Variants in SREBF2 observed in about 807,000 individuals in gnomAD.
SREBF2 encodes sterol regulatory element-binding protein 2.
Under a neutral mutation model 113.1 loss-of-function variants are expected in SREBF2, and 55 were observed. That is an observed-to-expected ratio of 0.49 (90% CI 0.39 to 0.61). The LOEUF (loss-of-function observed/expected upper bound fraction) is 0.61, where lower values mean the gene tolerates loss of function less well. Ranked by LOEUF, SREBF2 falls within the 20% of genes least tolerant of loss-of-function variation. The pLI, the probability that SREBF2 is intolerant of heterozygous loss-of-function variation, is 0.00. For synonymous variants in SREBF2, 593 were observed against 605.7 expected (o/e 0.98, Z 0.31); for missense variants, 1,349 against 1,487.4 (o/e 0.91, Z 1.53).
At chr22:41,864,705 C>T (rs2077059777) in intron 1 of SREBF2, among the ~76,000 whole-genome samples, 1 of 151,942 alleles carries the variant, frequency 6.6e-6, no homozygotes, top group Non-Finnish European at 1.5e-5. Flanking sequence ...CCTGTAGTCC[C>T]AGCACTTTGG....
chr22:41,893,198 C>A lies in SREBF2; in HGVS notation c.2290C>A (p.Pro764Thr). The change falls in exon 12 of 19, where the codon CCC becomes ACC. Residue 764 changes from proline to threonine, a missense_variant. Pro to Thr is a conservative substitution (Grantham distance 38). Around this residue, in one of 2 missense-constraint regions of SREBF2, gnomAD observed 650 missense variants for 644.1 expected, o/e 1.01. Transcript: ENST00000361204. ...TGACTCCCTGCGCTGGCTCTGCCAC[C>A]CCCTGGGCCAGAAGTTTTTCATGGA... ...VPDSLRWLCHPLGQKFFMERS... is the reference protein window; with the variant it reads ...VPDSLRWLCHTLGQKFFMERS... 2 of 1,614,144 alleles carry A rather than the reference C, an allele frequency of 1.2e-6. No homozygotes were observed. The highest frequency in any genetic ancestry group is 2.2e-5 in the East Asian group (1 of 44,876).
At chr22:41,886,709 C>A (rs1001191767) in intron 11 of SREBF2, among the ~76,000 whole-genome samples, 1 of 152,136 alleles carries the variant, frequency 6.6e-6, no homozygotes, top group African/African-American at 2.4e-5. Flanking sequence ...TTCATCATTT[C>A]AGTAAACTTA....
chr22:41,854,822 A>G (rs1195089695), intron 1 of SREBF2, among the ~76,000 whole-genome samples: 1 of 152,022 alleles, frequency 6.6e-6, no homozygotes, highest in Non-Finnish European at 1.5e-5. Context: ...CAGAGGCTGC[A>G]GTGAGCTGAG....
At chr22:41,899,863 T>A (rs2077449778) in intron 15 of SREBF2, among the ~76,000 whole-genome samples, 1 of 152,144 alleles carries the variant, frequency 6.6e-6, no homozygotes, top group Non-Finnish European at 1.5e-5. Context: ...ACTAGGATGC[T>A]ATGAGAACCC....
At chr22:41,890,714 C>T (rs368302948) in intron 11 of SREBF2, among the ~76,000 whole-genome samples, 172 of 151,220 alleles carry the variant, frequency 1.1e-3, no homozygotes, top group African/African-American at 4.0e-3. Flanking sequence ...AAGCCACCAG[C>T]GTGGCCAAGA....
At chr22:41,858,787 A>G (rs2076999296) in intron 1 of SREBF2, among the ~76,000 whole-genome samples, 1 of 151,954 alleles carries the variant, frequency 6.6e-6, no homozygotes, top group Non-Finnish European at 1.5e-5. Flanking sequence ...TGGAGGGTTA[A>G]GGATCACAAC....
chr22:41,847,865 T>C (rs768929824), intron 1 of SREBF2, among the ~76,000 whole-genome samples: 5 of 152,092 alleles, frequency 3.3e-5, no homozygotes, highest in Admixed American at 6.5e-5. Flanking sequence ...CAGTTTTTCT[T>C]CTTGATTGTT....
chr22:41,864,324 T>TATATATATA (rs34701406), intron 1 of SREBF2, among the ~76,000 whole-genome samples: 1 of 95,528 alleles, frequency 1.0e-5, no homozygotes, highest in African/African-American at 4.2e-5. Context: ...TATATATATA[T>TATATATATA]TTTTTTTTTT....
At chr22:41,896,089 C>T (rs2148414869) in intron 13 of SREBF2, among the ~76,000 whole-genome samples, 1 of 150,928 alleles carries the variant, frequency 6.6e-6, no homozygotes, top group East Asian at 2.0e-4. Context: ...TGCAGTGAGC[C>T]AAGATTGCGC....
At chr22:41,892,447 A>G (rs949831161) in intron 11 of SREBF2, among the ~76,000 whole-genome samples, 1 of 152,074 alleles carries the variant, frequency 6.6e-6, no homozygotes, top group African/African-American at 2.4e-5. Flanking sequence ...CAAGAGATCG[A>G]GACCATCCTG....
At chr22:41,863,001 C>T (rs1362975936) in intron 1 of SREBF2, among the ~76,000 whole-genome samples, 1 of 152,186 alleles carries the variant, frequency 6.6e-6, no homozygotes, top group African/African-American at 2.4e-5. Flanking sequence ...CACACCAGCC[C>T]ATATCTTTCC....
intron 3 of SREBF2, among the ~76,000 whole-genome samples, chr22:41,869,865 T>C (rs2077123508): frequency 6.6e-6 from 1 of 151,172 alleles, no homozygotes; most frequent in African/African-American, 2.4e-5. Context: ...CTTTTTTCTT[T>C]TTTTTTTTTT....
chr22:41,852,530 C>T (rs1024991781), intron 1 of SREBF2, among the ~76,000 whole-genome samples: 1 of 151,876 alleles, frequency 6.6e-6, no homozygotes, highest in African/African-American at 2.4e-5. Context: ...GTTTTTTCCT[C>T]TCCTGACTTT....
At chr22:41,847,350 TCTCA>T (rs1329750684) in intron 1 of SREBF2, among the ~76,000 whole-genome samples, 1 of 152,032 alleles carries the variant, frequency 6.6e-6, no homozygotes, top group African/African-American at 2.4e-5. Flanking sequence ...TTCCTTGGAG[TCTCA>T]CTCTGCATCT....
chr22:41,890,603 G>C (rs1050937361), intron 11 of SREBF2, among the ~76,000 whole-genome samples: 11 of 152,154 alleles, frequency 7.2e-5, no homozygotes, highest in Non-Finnish European at 1.3e-4. Context: ...TGAGTTACAG[G>C]GGGAGGCTCC....
Position 41,873,909 on chromosome 22 carries a change from A to G in SREBF2, c.979A>G (p.Lys327Glu). ...PGGVKQLEPP[K>E]EGERRTTHNI... The stretch of plus-strand genomic sequence containing the variant: ...GGGAGTCAAGCAGCTTGAGCCCCCC[A>G]AAGAAGGAGAAAGGCGGACAACCCA... The change falls in exon 5 of 19, where the codon AAA (lysine) becomes GAA (glutamate). Residue 327 changes from lysine to glutamate, a missense_variant. Lys to Glu is a moderately conservative substitution (Grantham distance 56, BLOSUM62 1). Transcript: ENST00000361204. 1 of 1,614,194 alleles carries G rather than the reference A, an allele frequency of 6.2e-7. No homozygotes were observed. Among genetic ancestry groups the G allele is most frequent in the South Asian group, 1.1e-5 (1 of 91,074 alleles).
chr22:41,864,615 C>T (rs1194795056), intron 1 of SREBF2, among the ~76,000 whole-genome samples: 4 of 151,904 alleles, frequency 2.6e-5, no homozygotes, highest in South Asian at 2.1e-4. Context: ...TCACCGCGCC[C>T]GGCCCAAAAA....
Position 41,873,915 on chromosome 22 carries a change from G to A in SREBF2, c.985G>A (p.Gly329Arg). Residue 329 changes from glycine to arginine, a missense_variant, in exon 5 of 19, where the codon GGA (glycine) becomes AGA (arginine). Physicochemically the swap from Gly to Arg is moderately radical, Grantham distance 125 (BLOSUM62 -2). Around this residue, in one of 2 missense-constraint regions of SREBF2, gnomAD observed 699 missense variants for 843.3 expected, o/e 0.83. Transcript: ENST00000361204. ...GVKQLEPPKE[G>R]ERRTTHNIIE... ...CAAGCAGCTTGAGCCCCCCAAAGAA[G>A]GAGAAAGGCGGACAACCCATAATAT... is the stretch of plus-strand genomic sequence containing the variant. The A allele has an allele frequency of 1.9e-6, 3 of 1,614,150 alleles. No individual in the cohort carries two copies. The highest frequency in any genetic ancestry group is 1.3e-5 in the African/African-American group (1 of 75,028).
intron 11 of SREBF2, among the ~76,000 whole-genome samples, chr22:41,890,022 AT>A (rs1234263356): frequency 2.6e-5 from 4 of 151,992 alleles, no homozygotes; most frequent in Non-Finnish European, 5.9e-5. Flanking sequence ...AATATTTTGG[AT>A]TCTTAATAAT....
Sources: allele counts gnomAD v4.1 joint callset (sites outside exome capture counted in the v4.1 genomes callset), GRCh38; gene constraint gnomAD v4.1.1; regional missense constraint gnomAD v4.1.1; transcripts MANE v1.5; gene names NCBI Gene and HGNC (gene_info 2026-07-23, HGNC 2026-07-21).